The following CEP112 variants were observed in gnomAD, a reference collection of about 807,000 sequenced individuals.
CEP112 encodes the protein centrosomal protein of 112 kDa.
CEP112 carries 127 observed loss-of-function variants against 153.0 expected under a neutral mutation model. The observed-to-expected ratio is 0.83, with a 90% CI of 0.72 to 0.96. The LOEUF (loss-of-function observed/expected upper bound fraction) is 0.96, where lower values mean the gene tolerates loss of function less well. Ranked by LOEUF, CEP112 falls within the 40% of genes least tolerant of loss-of-function variation. CEP112 has a pLI of 0.00. For missense variants in CEP112, 1,089 were observed against 1,101.2 expected, an observed-to-expected ratio of 0.99 and a Z score of 0.16; for synonymous variants, 358 against 374.4, an observed-to-expected ratio of 0.96 and a Z score of 0.51.
chr17:65,762,657 T>C (rs1291830459), intron 21 of CEP112, among the ~76,000 whole-genome samples: 3 of 151,982 alleles, frequency 2.0e-5, no homozygotes, highest in Non-Finnish European at 4.4e-5. Flanking sequence ...AATTCCACTT[T>C]CAAATAACAC....
At chr17:66,177,178 T>C (rs1299916128) in intron 2 of CEP112, among the ~76,000 whole-genome samples, 158 bp from the exon 3 acceptor site, 1 of 152,252 alleles carries the variant, frequency 6.6e-6, no homozygotes, top group Non-Finnish European at 1.5e-5. Flanking sequence ...TCACAGGCCA[T>C]ATGATCTCTG....
chr17:65,660,553 G>A (rs949720866), intron 24 of CEP112, among the ~76,000 whole-genome samples: 1 of 91,266 alleles, frequency 1.1e-5, no homozygotes, highest in Non-Finnish European at 2.0e-5. Flanking sequence ...TTTTCTTCTC[G>A]TTTCTTTTTC....
intron 19 of CEP112, among the ~76,000 whole-genome samples, chr17:65,903,799 C>T (rs1354843264): frequency 5.9e-5 from 9 of 152,174 alleles, no homozygotes; most frequent in Non-Finnish European, 1.3e-4. Context: ...GGATGCAAGG[C>T]TGGTTCAACA....
intron 21 of CEP112, among the ~76,000 whole-genome samples, chr17:65,851,359 C>T (rs2057923864): frequency 6.6e-6 from 1 of 151,996 alleles, no homozygotes; most frequent in South Asian, 2.1e-4. Context: ...GAAATATCAA[C>T]CTGGGAAAAT....
chr17:65,825,123 C>T (rs1416674909), intron 21 of CEP112, among the ~76,000 whole-genome samples: 1 of 152,156 alleles, frequency 6.6e-6, no homozygotes, highest in Non-Finnish European at 1.5e-5. Context: ...ATGTGGTATA[C>T]ACATGCAATG....
intron 24 of CEP112, among the ~76,000 whole-genome samples, chr17:65,642,330 C>A (rs191165777): frequency 2.6e-5 from 4 of 152,102 alleles, no homozygotes; most frequent in African/African-American, 9.7e-5. Flanking sequence ...AAATTGTGTA[C>A]GACTGAGTTG....
intron 19 of CEP112, among the ~76,000 whole-genome samples, chr17:65,908,381 T>C (rs2060160535): frequency 6.6e-6 from 1 of 151,724 alleles, no homozygotes; most frequent in Non-Finnish European, 1.5e-5. Context: ...TAGGAAATTG[T>C]CATTTTTGAG....
chr17:65,871,797 C>G (rs2058678673), intron 20 of CEP112, among the ~76,000 whole-genome samples: 1 of 152,174 alleles, frequency 6.6e-6, no homozygotes, highest in East Asian at 1.9e-4. Flanking sequence ...ACCAGGTGGG[C>G]CTCCCCAAGA....
chr17:66,053,424 T>G (rs962205653), intron 12 of CEP112, among the ~76,000 whole-genome samples: 1 of 151,958 alleles, frequency 6.6e-6, no homozygotes, highest in Non-Finnish European at 1.5e-5. Flanking sequence ...GAGGCGGAGG[T>G]TGCAGTGAGC....
rs539477518 is a variant in CEP112, at chr17:65,997,923, A to C, written c.1736+7767T>G. 2.3e-3 allele frequency among the ~76,000 whole-genome samples: 347 copies of C among 152,286 alleles called. 2 individuals are homozygous for C. The highest frequency in any genetic ancestry group is 7.2e-3 in the African/African-American group (298 of 41,550). On this transcript the variant is annotated intron_variant, in intron 17 of 26. Coordinates refer to ENST00000535342, the MANE Select transcript of CEP112 (RefSeq NM_001199165.4). ...AGCTTAGGTCTCTACAATATGCCAAAGCACATCTTAATATAATAACTTTCA... is the reference window on the plus strand; with the variant it reads ...AGCTTAGGTCTCTACAATATGCCAACGCACATCTTAATATAATAACTTTCA...
Position 65,677,632 on chromosome 17 carries a change from G to T in CEP112, c.2697+11497C>A, listed in dbSNP as rs181512985. 1.7e-3 allele frequency among the ~76,000 whole-genome samples: 258 copies of T among 152,198 alleles called. 1 individual carries two copies. The highest frequency in any genetic ancestry group is 3.1e-3 in the African/African-American group (128 of 41,530). On this transcript the variant is annotated intron_variant, in intron 24 of 26. Transcript: ENST00000535342. ...GTACCTTTAAAACATCTCTACTTCG[G>T]CTGGGTGTGGTGGTTCACGCCTGTA...
chr17:65,657,614 G>A (rs2046125857), intron 24 of CEP112, among the ~76,000 whole-genome samples: 2 of 152,206 alleles, frequency 1.3e-5, no homozygotes, highest in African/African-American at 4.8e-5. Flanking sequence ...CTCTCAGAAA[G>A]AGGGTGACTA....
intron 21 of CEP112, among the ~76,000 whole-genome samples, chr17:65,815,341 AG>A (rs1169644157): frequency 6.6e-6 from 1 of 152,130 alleles, no homozygotes; most frequent in African/African-American, 2.4e-5. Flanking sequence ...ATAAATGTGT[AG>A]GTATATTTCA....
chr17:66,167,755 CT>C (rs368340361), intron 4 of CEP112, among the ~76,000 whole-genome samples: 8 of 152,342 alleles, frequency 5.3e-5, no homozygotes, highest in African/African-American at 1.9e-4. Flanking sequence ...GGATCCATCA[CT>C]GGAAAAGTCA....
intron 8 of CEP112, among the ~76,000 whole-genome samples, chr17:66,075,694 GA>G (rs2067465712): frequency 6.6e-6 from 1 of 152,180 alleles, no homozygotes. Flanking sequence ...TATGGTGGAT[GA>G]GAGGCATGAG....
At chr17:65,961,657 AG>A (rs2062208327) in intron 17 of CEP112, 59 bp from the exon 18 acceptor site, 1 of 1,470,046 alleles carries the variant, frequency 6.8e-7, no homozygotes. Context: ...CCTGAATGAA[AG>A]AACAATATTT....
chr17:66,047,692 G>A (rs1489819630), intron 12 of CEP112, among the ~76,000 whole-genome samples: 1 of 152,000 alleles, frequency 6.6e-6, no homozygotes, highest in Non-Finnish European at 1.5e-5. Context: ...ACATGTAAAG[G>A]GTTGAAATTT....
In CEP112 at chr17:66,131,569, G is replaced by A. The variant is rs564580953; in HGVS notation, c.564+1101C>T. On this transcript the variant is annotated intron_variant, in intron 5 of 26. Coordinates refer to ENST00000535342, the MANE Select transcript of CEP112 (RefSeq NM_001199165.4). ...ATCCTGACTAACACAGTGAAACCCCGTCTCTACTAAAAATACAAAAAATTA... is the reference window on the plus strand; with the variant it reads ...ATCCTGACTAACACAGTGAAACCCCATCTCTACTAAAAATACAAAAAATTA... 1.2e-4 allele frequency among the ~76,000 whole-genome samples: 18 copies of A among 151,882 alleles called. No homozygotes were observed. The South Asian group carries it at 1.9e-3, about 16-fold the overall frequency.
intron 16 of CEP112, among the ~76,000 whole-genome samples, chr17:66,018,899 C>T (rs2064881371): frequency 1.3e-5 from 2 of 152,176 alleles, no homozygotes; most frequent in African/African-American, 4.8e-5. Flanking sequence ...CTCTCTGGAA[C>T]TGTTTGGAAA....
Sources: gnomAD v4.1 joint callset for allele counts (sites outside exome capture counted in the v4.1 genomes callset) on GRCh38, gnomAD v4.1.1 for gene constraint, MANE v1.5 for transcripts, NCBI Gene and HGNC (gene_info 2026-07-23, HGNC 2026-07-21) for gene names.